Variants in DENND10 observed in about 807,000 individuals in gnomAD.
DENND10 encodes DENN domain containing 10.
In DENND10, 24 loss-of-function variants were observed where a neutral mutation model predicts 43.6. The observed-to-expected ratio is 0.55, with a 90% confidence interval of 0.40 to 0.77. The LOEUF (loss-of-function observed/expected upper bound fraction) is 0.77, where lower values mean the gene tolerates loss of function less well. DENND10 is among the 30% of genes least tolerant of loss of function. The pLI is 0.00. For synonymous variants in DENND10, 125 were observed against 157.6 expected, an observed-to-expected ratio of 0.79 and a Z score of 1.55; for missense variants, 303 against 429.9, an observed-to-expected ratio of 0.70 and a Z score of 2.61.
chr10:119,109,435 CAG>C (rs913893551), intron 2 of DENND10, among the ~76,000 whole-genome samples: 2 of 152,042 alleles, frequency 1.3e-5, no homozygotes, highest in South Asian at 2.1e-4. Flanking sequence ...TGTACCCAAA[CAG>C]AGATTTTTTC....
chr10:119,112,476 T>C (rs1845023142), intron 3 of DENND10, among the ~76,000 whole-genome samples: 1 of 150,106 alleles, frequency 6.7e-6, no homozygotes, highest in Non-Finnish European at 1.5e-5. Flanking sequence ...TTTTCTTTTC[T>C]TTTTCTTTTT....
At chr10:119,116,308 G>C (rs1047892877) in intron 3 of DENND10, among the ~76,000 whole-genome samples, 1 of 152,154 alleles carries the variant, frequency 6.6e-6, no homozygotes, top group Admixed American at 6.6e-5. Context: ...TTTATCACCA[G>C]AAACCTAAAG....
chr10:119,135,700 G>A lies in DENND10; in HGVS notation c.898-771G>A, dbSNP rs189288373. On this transcript the variant is annotated intron_variant, in intron 8 of 8. Transcript: ENST00000361432. ...GGGTAGAGTTTCTGTTTGTGATGGT[G>A]AAACGTGCTGGAAATAGTGGTGATG... 1.5e-3 allele frequency among the ~76,000 whole-genome samples: 225 copies of A among 147,072 alleles called. 2 individuals are homozygous for A. The highest frequency in any genetic ancestry group is 5.5e-3 in the African/African-American group (219 of 39,846).
At chr10:119,112,090 C>T (rs1360704689) in intron 3 of DENND10, among the ~76,000 whole-genome samples, 162 bp downstream of exon 3, 1 of 152,166 alleles carries the variant, frequency 6.6e-6, no homozygotes, top group Non-Finnish European at 1.5e-5. Context: ...TTCTCTTTTG[C>T]TCTGTTGATA....
chr10:119,108,105 A>G lies in DENND10; in HGVS notation c.193A>G (p.Arg65Gly). The change falls in exon 2 of 9, where the codon AGA becomes GGA. Residue 65 changes from arginine to glycine, a missense_variant. By Grantham distance (125) the Arg-to-Gly change is moderately radical. Transcript: ENST00000361432. Reference sequence around the variant, plus strand: ...CCATCCCTTTGTCTTTGGTCAGTACAGAAGAACATGGTTTTATATCACAAC... The same window carrying G: ...CCATCCCTTTGTCTTTGGTCAGTACGGAAGAACATGGTTTTATATCACAAC... ...LLHPFVFGQY[R>G]RTWFYITTIE... 1 of 1,614,072 alleles carries G rather than the reference A, an allele frequency of 6.2e-7. No homozygotes were observed. The highest frequency in any genetic ancestry group is 8.5e-7 in the Non-Finnish European group (1 of 1,179,902).
At chr10:119,125,496 G>GCT (rs1564795181) in intron 6 of DENND10, among the ~76,000 whole-genome samples, 3 of 116,220 alleles carry the variant, frequency 2.6e-5, no homozygotes, top group African/African-American at 9.5e-5. Flanking sequence ...TCCACTTCTA[G>GCT]TTTTCTTTTT....
Position 119,132,428 on chromosome 10 carries a change from C to T in DENND10, c.803-87C>T, listed in dbSNP as rs982364414. 4 of 1,074,914 alleles carry T rather than the reference C, an allele frequency of 3.7e-6. No homozygotes were observed. Among genetic ancestry groups the T allele is most frequent in the Admixed American group, 3.6e-5 (2 of 56,254 alleles). 66.6% of individuals were successfully genotyped at this position (1,074,914 alleles called of 1,614,324 possible). On this transcript the variant is annotated intron_variant, in intron 7 of 8. Coordinates refer to ENST00000361432, the MANE Select transcript of DENND10 (RefSeq NM_207009.4). This position sits in a 1 kb window ranked among gnomAD's most constrained non-coding sequence, Gnocchi z 4.2. The stretch of plus-strand genomic sequence containing the variant: ...TTATCAGCTGCTTTTTGAAAATTCC[C>T]TCAGTGTGGTCTTCCAAGTTTTCAG...
chr10:119,120,680 G>A (rs1374425482), intron 5 of DENND10, among the ~76,000 whole-genome samples: 6 of 152,216 alleles, frequency 3.9e-5, no homozygotes, highest in Non-Finnish European at 8.8e-5. Context: ...TTGCCAGACA[G>A]TAAATATTTT....
intron 1 of DENND10, chr10:119,105,621 G>A (rs1589709158): frequency 3.9e-6 from 2 of 510,520 alleles, no homozygotes; most frequent in South Asian, 9.4e-5. Context: ...TCTACTAATA[G>A]CAAATAAAAA....
At chr10:119,131,326 CA>C (rs1300048927) in intron 7 of DENND10, among the ~76,000 whole-genome samples, 5 of 152,146 alleles carry the variant, frequency 3.3e-5, no homozygotes, top group Non-Finnish European at 5.9e-5. Flanking sequence ...GGCGTGGTGG[CA>C]GGCGCCTCTA....
chr10:119,131,335 C>G (rs1012035947), intron 7 of DENND10, among the ~76,000 whole-genome samples: 5 of 152,074 alleles, frequency 3.3e-5, no homozygotes, highest in Non-Finnish European at 5.9e-5. Flanking sequence ...GCAGGCGCCT[C>G]TAGTCCCAGC....
rs527844300 is a variant in DENND10, at chr10:119,130,725, C to T, written c.802+1103C>T. On this transcript the variant is annotated intron_variant, in intron 7 of 8. Coordinates refer to ENST00000361432, the MANE Select transcript of DENND10 (RefSeq NM_207009.4). The stretch of plus-strand genomic sequence containing the variant: ...TCTGAAGGCTCCACTGGGGCTGGAA[C>T]ATCCGCTTTCAATGTGCATGGCTGT... 3.9e-5 allele frequency among the ~76,000 whole-genome samples: 6 copies of T among 152,322 alleles called. No individual in the cohort carries two copies. The South Asian group carries it at 1.2e-3, about 32-fold the overall frequency.
At chr10:119,111,823 A>AT (rs762993903) in intron 2 of DENND10, 26 bp from the exon 3 acceptor site, 13 of 1,548,524 alleles carry the variant, frequency 8.4e-6, no homozygotes, top group South Asian at 4.5e-5. Flanking sequence ...TAAAAAGTGT[A>AT]TTTTTTTGTT....
At chr10:119,136,347 C>A (rs957647373) in intron 8 of DENND10, 124 bp from the exon 9 acceptor site, 3 of 1,138,138 alleles carry the variant, frequency 2.6e-6, no homozygotes, top group Non-Finnish European at 3.7e-6. Flanking sequence ...AGGCATGAGC[C>A]ACCACGCCAA....
chr10:119,115,774 T>C, intron 3 of DENND10, among the ~76,000 whole-genome samples: 1 of 149,506 alleles, frequency 6.7e-6, no homozygotes, highest in East Asian at 2.0e-4. Flanking sequence ...CTTTTTTTTT[T>C]TTTTTTTGAG....
intron 5 of DENND10, among the ~76,000 whole-genome samples, chr10:119,121,775 G>A (rs1016241404): frequency 6.6e-5 from 10 of 151,892 alleles, no homozygotes; most frequent in Admixed American, 1.3e-4. Flanking sequence ...AAAAGCAAGA[G>A]GACTTAGCAT....
chr10:119,123,684 A>T, intron 6 of DENND10, 115 bp downstream of exon 6: 1 of 768,396 alleles, frequency 1.3e-6, no homozygotes, highest in Non-Finnish European at 2.1e-6. Flanking sequence ...ATCTTAGCTC[A>T]CCGCAACGTC....
chr10:119,107,230 T>C (rs910866214), intron 1 of DENND10, among the ~76,000 whole-genome samples: 5 of 150,834 alleles, frequency 3.3e-5, no homozygotes, highest in Non-Finnish European at 7.4e-5. Flanking sequence ...GGCAGAAGAA[T>C]CGTTTGAACC....
At chr10:119,128,825 C>T (rs1057498824) in intron 6 of DENND10, among the ~76,000 whole-genome samples, 4 of 151,900 alleles carry the variant, frequency 2.6e-5, no homozygotes, top group African/African-American at 7.3e-5. Flanking sequence ...TTTAAACAAC[C>T]AGATTTTGTG....
Sources: allele counts gnomAD v4.1 joint callset (sites outside exome capture counted in the v4.1 genomes callset), GRCh38; gene constraint gnomAD v4.1.1; non-coding constraint Gnocchi (gnomAD v3.1); transcripts MANE v1.5; gene names NCBI Gene and HGNC (gene_info 2026-07-23, HGNC 2026-07-21).